CTNNAL1: variants seen among roughly 807,000 people sequenced by gnomAD.
CTNNAL1 encodes catenin alpha like 1.
A neutral mutation model predicts 93.6 loss-of-function variants in CTNNAL1; 69 were observed. That is an observed-to-expected ratio of 0.74 (90% CI 0.61 to 0.90). The LOEUF (loss-of-function observed/expected upper bound fraction) is 0.90, where lower values mean the gene tolerates loss of function less well. Ranked by LOEUF, CTNNAL1 falls within the 40% of genes least tolerant of loss-of-function variation. The pLI, the probability that CTNNAL1 is intolerant of heterozygous loss-of-function variation, is 0.00. For synonymous variants in CTNNAL1, 286 were observed against 305.4 expected, an observed-to-expected ratio of 0.94 and a Z score of 0.66; for missense variants, 836 against 862.0, an observed-to-expected ratio of 0.97 and a Z score of 0.38.
chr9:108,986,032 T>A (rs1205108071), intron 4 of CTNNAL1, among the ~76,000 whole-genome samples: 16 of 151,888 alleles, frequency 1.1e-4, no homozygotes, highest in South Asian at 2.1e-4. Context: ...TTTTTTTTTT[T>A]AATTATTATT....
chr9:108,983,340 T>A (rs779383714), intron 5 of CTNNAL1, 25 bp from the exon 6 acceptor site: 6 of 1,448,192 alleles, frequency 4.1e-6, no homozygotes, highest in Middle Eastern at 1.8e-4. Flanking sequence ...AAAATTTTTA[T>A]TTTAATATTT....
chr9:108,952,408 T>A, intron 13 of CTNNAL1, 36 bp downstream of exon 13: 1 of 1,614,194 alleles, frequency 6.2e-7, no homozygotes. Flanking sequence ...TCACTATTCA[T>A]GTTAAAGGAA....
chr9:108,970,969 C>T (rs1016605955), intron 9 of CTNNAL1, among the ~76,000 whole-genome samples: 3 of 152,120 alleles, frequency 2.0e-5, no homozygotes, highest in Non-Finnish European at 4.4e-5. Context: ...TAAGGACAGA[C>T]CCTATATCAG....
intron 2 of CTNNAL1, among the ~76,000 whole-genome samples, chr9:108,993,155 A>G (rs1281805134): frequency 2.6e-5 from 4 of 152,186 alleles, no homozygotes; most frequent in Non-Finnish European, 5.9e-5. Context: ...GTCAAAAACC[A>G]AAGAATACCC....
Position 108,944,026 on chromosome 9 carries a change from A to G in CTNNAL1, c.1885-8T>C, listed in dbSNP as rs2132074698. Reference sequence around the variant, plus strand: ...ACCCTCTGCAGCAAAAACCTGGTAGAAAGAGAAAACACCACTATTTTAGAC... The same window carrying G: ...ACCCTCTGCAGCAAAAACCTGGTAGGAAGAGAAAACACCACTATTTTAGAC... On this transcript the variant is annotated splice_region_variant and splice_polypyrimidine_tract_variant and intron_variant, in intron 15 of 18. Coordinates refer to ENST00000325551, the MANE Select transcript of CTNNAL1 (RefSeq NM_003798.4). The G allele has an allele frequency of 6.2e-7, 1 of 1,613,006 alleles. No individual in the cohort carries two copies. Among genetic ancestry groups the G allele is most frequent in the Non-Finnish European group, 8.5e-7 (1 of 1,179,502 alleles).
At chr9:108,961,143 G>A (rs1287494586) in intron 11 of CTNNAL1, among the ~76,000 whole-genome samples, 2 of 152,212 alleles carry the variant, frequency 1.3e-5, no homozygotes, top group Non-Finnish European at 2.9e-5. Context: ...AAGGTGGCTA[G>A]AATACAGCAA....
intron 2 of CTNNAL1, among the ~76,000 whole-genome samples, chr9:108,995,756 T>C (rs1187242393): frequency 6.6e-6 from 1 of 152,124 alleles, no homozygotes; most frequent in Non-Finnish European, 1.5e-5. Context: ...AAATTAATTA[T>C]AATAATAACA....
At chr9:108,979,997 T>C (rs1227175014) in intron 6 of CTNNAL1, among the ~76,000 whole-genome samples, 1 of 152,196 alleles carries the variant, frequency 6.6e-6, no homozygotes, top group Non-Finnish European at 1.5e-5. Flanking sequence ...CTACATTTTG[T>C]TTAAAGTCCC....
intron 1 of CTNNAL1, among the ~76,000 whole-genome samples, chr9:109,008,795 C>CAAATCA (rs1265407083): frequency 6.8e-6 from 1 of 146,664 alleles, no homozygotes; most frequent in Non-Finnish European, 1.5e-5. Context: ...CTAGGTACTA[C>CAAATCA]AAATCATTTG....
chr9:108,994,617 T>A (rs894842369), intron 2 of CTNNAL1, among the ~76,000 whole-genome samples: 1 of 152,214 alleles, frequency 6.6e-6, no homozygotes, highest in African/African-American at 2.4e-5. Flanking sequence ...TTGTGTATAA[T>A]GACAATAGCT....
chr9:108,996,578 C>A (rs896712916), intron 2 of CTNNAL1, among the ~76,000 whole-genome samples: 1 of 152,144 alleles, frequency 6.6e-6, no homozygotes, highest in Non-Finnish European at 1.5e-5. Context: ...GTACCACGTC[C>A]TCCTCTCTCA....
At chr9:108,998,507 C>T (rs1374933908) in intron 2 of CTNNAL1, among the ~76,000 whole-genome samples, 1 of 151,972 alleles carries the variant, frequency 6.6e-6, no homozygotes, top group Non-Finnish European at 1.5e-5. Flanking sequence ...CTGATTTGTC[C>T]ATGCCTATCT....
At chr9:108,981,225 T>C (rs1467792491) in intron 6 of CTNNAL1, among the ~76,000 whole-genome samples, 4 of 152,154 alleles carry the variant, frequency 2.6e-5, no homozygotes, top group Non-Finnish European at 4.4e-5. Flanking sequence ...ACAACACATC[T>C]CCTCCTTCAG....
At chr9:108,949,950 G>A (rs1252265935) in intron 14 of CTNNAL1, among the ~76,000 whole-genome samples, 3 of 151,508 alleles carry the variant, frequency 2.0e-5, no homozygotes, top group African/African-American at 7.3e-5. Context: ...CTTGAACTCA[G>A]GAGGCGGAGG....
At chr9:109,012,063 T>A (rs1564156673) in intron 1 of CTNNAL1, among the ~76,000 whole-genome samples, 1 of 152,180 alleles carries the variant, frequency 6.6e-6, no homozygotes, top group Non-Finnish European at 1.5e-5. Flanking sequence ...AGAGCCTCAA[T>A]GAGACACAGG....
intron 17 of CTNNAL1, 42 bp downstream of exon 17, chr9:108,943,661 A>G: frequency 6.5e-7 from 1 of 1,538,104 alleles, no homozygotes; most frequent in Non-Finnish European, 8.8e-7. Flanking sequence ...CTTTAACCAG[A>G]TAAAGATAGA....
intron 8 of CTNNAL1, among the ~76,000 whole-genome samples, chr9:108,973,337 T>C (rs931355536): frequency 6.6e-6 from 1 of 152,200 alleles, no homozygotes; most frequent in African/African-American, 2.4e-5. Context: ...TAATAAGTTC[T>C]TTAGCATACT....
chr9:108,956,543 GA>G (rs1448329138), intron 11 of CTNNAL1, among the ~76,000 whole-genome samples: 1 of 152,160 alleles, frequency 6.6e-6, no homozygotes, highest in Non-Finnish European at 1.5e-5. Context: ...GCTTCTTGAA[GA>G]AAAATTTCTT....
rs28361126 is a variant in CTNNAL1, at chr9:108,984,901, G to A, written c.640-465C>T. Among the ~76,000 whole-genome samples the A allele has an allele frequency of 1.7e-3, 254 of 152,304 alleles. 1 individual carries two copies. Among genetic ancestry groups the A allele is most frequent in the African/African-American group, 5.8e-3 (242 of 41,580 alleles). ...CTAATTAATCCCATCTAACTGCTAT[G>A]CATCTCAAATTGGGGTTCGTTTGTC... On this transcript the variant is annotated intron_variant, in intron 4 of 18. Coordinates refer to ENST00000325551, the MANE Select transcript of CTNNAL1 (RefSeq NM_003798.4).
Sources: gnomAD v4.1 joint callset for allele counts (sites outside exome capture counted in the v4.1 genomes callset) on GRCh38, gnomAD v4.1.1 for gene constraint, MANE v1.5 for transcripts, NCBI Gene and HGNC (gene_info 2026-07-23, HGNC 2026-07-21) for gene names.